COL19A1: variants seen among roughly 807,000 people sequenced by gnomAD.
COL19A1 encodes the protein collagen alpha-1(XIX) chain.
COL19A1 carries 159 observed loss-of-function variants against 190.2 expected under a neutral mutation model. That is an observed-to-expected ratio of 0.84 (90% CI 0.73 to 0.95). COL19A1 has a LOEUF of 0.95. Among genes scored for constraint, COL19A1 ranks in the 40% least tolerant of loss-of-function variants. The pLI is 0.00. For missense variants in COL19A1, 1,418 were observed against 1,431.9 expected, an observed-to-expected ratio of 0.99 and a Z score of 0.16; for synonymous variants, 509 against 458.9, an observed-to-expected ratio of 1.11 and a Z score of -1.39.
intron 48 of COL19A1, 85 bp downstream of exon 48, chr6:70,190,466 C>A: frequency 2.3e-6 from 2 of 871,170 alleles, no homozygotes; most frequent in South Asian, 3.1e-5. Context: ...GCAACATTCT[C>A]GAAAGATGGC....
chr6:69,930,585 G>A (rs796316894), intron 6 of COL19A1, among the ~76,000 whole-genome samples: 8 of 152,198 alleles, frequency 5.3e-5, no homozygotes, highest in African/African-American at 9.6e-5. Context: ...TTGGGAGGCC[G>A]AGGTGGGCAG....
intron 11 of COL19A1, 50 bp from the exon 12 acceptor site, chr6:70,023,577 A>G (rs1778561137): frequency 6.7e-7 from 1 of 1,492,846 alleles, no homozygotes; most frequent in Non-Finnish European, 9.2e-7. Context: ...TTTTGCTAGC[A>G]AAGGTTTTCA....
At chr6:69,987,859 G>C (rs1239671759) in intron 11 of COL19A1, among the ~76,000 whole-genome samples, 1 of 152,124 alleles carries the variant, frequency 6.6e-6, no homozygotes, top group Non-Finnish European at 1.5e-5. Context: ...TCAAGTAGTG[G>C]GCTTTCTCAA....
At chr6:70,191,881 G>T (rs58673424) in intron 48 of COL19A1, among the ~76,000 whole-genome samples, 29 of 152,108 alleles carry the variant, frequency 1.9e-4, no homozygotes, top group African/African-American at 6.7e-4. Context: ...ACGGACTCAG[G>T]TCTTCTCCAA....
chr6:70,009,401 A>G (rs1264145939), intron 11 of COL19A1, among the ~76,000 whole-genome samples: 2 of 152,098 alleles, frequency 1.3e-5, no homozygotes, highest in African/African-American at 2.4e-5. Flanking sequence ...AATTTTATTT[A>G]TGGTGATGAC....
At chr6:70,016,692 GA>G (rs1158400605) in intron 11 of COL19A1, among the ~76,000 whole-genome samples, 1 of 151,824 alleles carries the variant, frequency 6.6e-6, no homozygotes, top group African/African-American at 2.4e-5. Context: ...TCACAAATAA[GA>G]AGGCAAACTA....
At chr6:70,191,557 T>C (rs1766874382) in intron 48 of COL19A1, among the ~76,000 whole-genome samples, 1 of 152,222 alleles carries the variant, frequency 6.6e-6, no homozygotes, top group Non-Finnish European at 1.5e-5. Flanking sequence ...ATGGGATTCT[T>C]TCTGTCCACT....
At chr6:70,107,248 A>G (rs1784032474) in intron 16 of COL19A1, among the ~76,000 whole-genome samples, 1 of 152,164 alleles carries the variant, frequency 6.6e-6, no homozygotes, top group Non-Finnish European at 1.5e-5. Context: ...CATCATACCT[A>G]GAACAATGTT....
intron 14 of COL19A1, among the ~76,000 whole-genome samples, chr6:70,036,142 G>T (rs1187810201): frequency 2.0e-5 from 3 of 152,176 alleles, no homozygotes; most frequent in Non-Finnish European, 2.9e-5. Flanking sequence ...CATACAGGTA[G>T]TTACAATTAA....
intron 11 of COL19A1, among the ~76,000 whole-genome samples, chr6:69,999,871 T>A (rs1357632496): frequency 3.3e-5 from 5 of 152,202 alleles, no homozygotes; most frequent in African/African-American, 1.2e-4. Context: ...ATGTATTTTT[T>A]TAATTTTAAA....
At chr6:70,205,648 A>G (rs1305933491) in intron 49 of COL19A1, among the ~76,000 whole-genome samples, 2 of 152,254 alleles carry the variant, frequency 1.3e-5, no homozygotes, top group African/African-American at 2.4e-5. Context: ...AAACTCTTAC[A>G]GCATGGAACC....
chr6:70,085,614 A>G (rs1317050177), intron 15 of COL19A1, among the ~76,000 whole-genome samples: 1 of 152,190 alleles, frequency 6.6e-6, no homozygotes, highest in Non-Finnish European at 1.5e-5. Context: ...ACATGGTACT[A>G]TTTGAAATGT....
intron 18 of COL19A1, among the ~76,000 whole-genome samples, chr6:70,133,581 A>G (rs1169162521): frequency 1.3e-5 from 2 of 152,222 alleles, no homozygotes; most frequent in African/African-American, 4.8e-5. Context: ...ACAAAATATC[A>G]GAATATCTTA....
intron 6 of COL19A1, among the ~76,000 whole-genome samples, chr6:69,930,200 T>A (rs977816094): frequency 2.6e-5 from 4 of 152,148 alleles, no homozygotes; most frequent in African/African-American, 9.7e-5. Context: ...TACAGAAAAA[T>A]TCACTAAATG....
At chr6:69,957,057 G>A (rs1289757798) in intron 9 of COL19A1, among the ~76,000 whole-genome samples, 1 of 151,716 alleles carries the variant, frequency 6.6e-6, no homozygotes, top group Non-Finnish European at 1.5e-5. Flanking sequence ...TTATTTGCTT[G>A]GTCTCATTTA....
At chr6:70,168,617 C>G (rs761258052) in intron 39 of COL19A1, 38 bp from the exon 40 acceptor site, 3 of 1,607,562 alleles carry the variant, frequency 1.9e-6, no homozygotes, top group Non-Finnish European at 2.5e-6. Flanking sequence ...CTGCTTTGGT[C>G]ATTATTTGAA....
chr6:70,144,554 T>G (rs906705559), intron 24 of COL19A1, among the ~76,000 whole-genome samples: 3 of 152,198 alleles, frequency 2.0e-5, no homozygotes, highest in African/African-American at 7.2e-5. Context: ...TTGCAGGATC[T>G]GTTTCTTGAT....
At chr6:70,053,550 C>T (rs565934110) in intron 14 of COL19A1, among the ~76,000 whole-genome samples, 49 of 152,268 alleles carry the variant, frequency 3.2e-4, no homozygotes, top group African/African-American at 1.1e-3. Context: ...CTGACACAAC[C>T]TTACCTTATT....
At chr6:69,932,716 A>C (rs1023229809) in intron 6 of COL19A1, 67 bp from the exon 7 acceptor site, 1 of 800,070 alleles carries the variant, frequency 1.2e-6, no homozygotes, top group African/African-American at 1.8e-5. Flanking sequence ...AAATTACTGT[A>C]GTTCTTAACT....
Sources: gnomAD v4.1 joint callset for allele counts (sites outside exome capture counted in the v4.1 genomes callset) on GRCh38, gnomAD v4.1.1 for gene constraint, MANE v1.5 for transcripts, NCBI Gene and HGNC (gene_info 2026-07-23, HGNC 2026-07-21) for gene names.